Variants in TOP1 observed in about 807,000 individuals in gnomAD.
TOP1 encodes the protein DNA topoisomerase 1.
TOP1 carries 10 observed loss-of-function variants against 111.1 expected under a neutral mutation model. The observed-to-expected ratio is 0.09, with a 90% CI of 0.06 to 0.15. The LOEUF is 0.15. Among genes scored for constraint, TOP1 ranks in the 10% least tolerant of loss-of-function variants. TOP1 has a pLI of 1.00. For missense variants in TOP1, 474 were observed against 926.7 expected (o/e 0.51, Z 6.34); for synonymous variants, 271 against 302.9 (o/e 0.89, Z 1.10).
In TOP1 at chr20:41,089,447, A is replaced by T. The variant is rs561631784; in HGVS notation, c.615-3025A>T. 2.0e-5 allele frequency among the ~76,000 whole-genome samples: 3 copies of T among 152,288 alleles called. No individual in the cohort carries two copies. The South Asian group carries it at 6.2e-4, about 32-fold the overall frequency. On this transcript the variant is annotated intron_variant, in intron 8 of 20. Transcript: ENST00000361337. ...CTTTGTGACTGACTCATTTCACTTA[A>T]CAGAATGTCAACGCTCGTCCATATT...
intron 2 of TOP1, among the ~76,000 whole-genome samples, chr20:41,055,869 T>C (rs1395729507): frequency 6.6e-6 from 1 of 152,164 alleles, no homozygotes; most frequent in East Asian, 1.9e-4. Context: ...ACACAAACCC[T>C]CTCTTGGAAC....
At chr20:41,119,232 G>A (rs1462211632) in intron 18 of TOP1, among the ~76,000 whole-genome samples, 2 of 152,216 alleles carry the variant, frequency 1.3e-5, no homozygotes, top group Non-Finnish European at 2.9e-5. Flanking sequence ...AAATGAAGAT[G>A]TCTAACATCT....
chr20:41,069,269 T>G lies in TOP1; in HGVS notation c.156-6902T>G, dbSNP rs73259872. On this transcript the variant is annotated intron_variant, in intron 3 of 20. Coordinates refer to ENST00000361337, the MANE Select transcript of TOP1 (RefSeq NM_003286.4). This position sits in a 1 kb window ranked among gnomAD's most constrained non-coding sequence, Gnocchi z 4.1. ...TAAAAGATATGTTTGCTGCTTTCCT[T>G]GTGAGTGGTTTGCCAAAGCCCTCCC... Among the ~76,000 whole-genome samples the G allele has an allele frequency of 0.13, 19,658 of 152,254 alleles. 1,479 individuals carry two copies. Among genetic ancestry groups the G allele is most frequent in the Non-Finnish European group, 0.16 (10,778 of 68,024 alleles).
At chr20:41,077,413 C>T (rs571689735) in intron 4 of TOP1, among the ~76,000 whole-genome samples, 169 bp from the exon 5 acceptor site, 12 of 152,174 alleles carry the variant, frequency 7.9e-5, no homozygotes, top group Admixed American at 4.6e-4. Context: ...TTGTTAAAAA[C>T]GAGTTTTGGA....
Position 41,107,148 on chromosome 20 carries a change from C to G in TOP1, c.1309-5634C>G, listed in dbSNP as rs141213247. ...TCTTAATTCATAGTCTGTCTTTTCT[C>G]CAGTCAAGGAAGTGTCTTATAGGGA... On this transcript the variant is annotated intron_variant, in intron 13 of 20. Coordinates refer to ENST00000361337, the MANE Select transcript of TOP1 (RefSeq NM_003286.4). Among the ~76,000 whole-genome samples, 1,068 of 152,230 alleles carry G rather than the reference C, an allele frequency of 7.0e-3. 11 individuals carry two copies. The highest frequency in any genetic ancestry group is 0.024 in the African/African-American group (1,008 of 41,548).
chr20:41,052,996 C>T (rs1294251261), intron 2 of TOP1, among the ~76,000 whole-genome samples: 1 of 151,774 alleles, frequency 6.6e-6, no homozygotes, highest in East Asian at 1.9e-4. Flanking sequence ...TCTAAACAAA[C>T]AACAAAAAAA....
In TOP1 at chr20:41,032,774, A is replaced by T. The variant is rs1347431335; in HGVS notation, c.58+3319A>T. ...TGAATTGTTTCTGATGCTAATAGAT[A>T]GTTGTACTTCTGTCTGTTGGGTATG... On this transcript the variant is annotated intron_variant, in intron 2 of 20. Transcript: ENST00000361337. This position sits in a 1 kb window ranked among gnomAD's most constrained non-coding sequence, Gnocchi z 4.3. 6.6e-6 allele frequency among the ~76,000 whole-genome samples: 1 copy of T among 152,216 alleles called. No individual in the cohort carries two copies. The highest frequency in any genetic ancestry group is 2.1e-4 in the South Asian group (1 of 4,832).
intron 8 of TOP1, among the ~76,000 whole-genome samples, chr20:41,085,378 A>T (rs1321395764): frequency 6.6e-6 from 1 of 152,220 alleles, no homozygotes; most frequent in Non-Finnish European, 1.5e-5. Flanking sequence ...CGCCTTCCCT[A>T]TAGGAGTGAA....
At position 41,028,986 on chromosome 20, in the gene TOP1, G is replaced by A. The variant is rs1030065719; in HGVS notation, c.-82G>A. The A allele has an allele frequency of 2.0e-5, 26 of 1,280,850 alleles. No individual in the cohort carries two copies. Among genetic ancestry groups the A allele is most frequent in the Non-Finnish European group, 2.6e-5 (24 of 921,368 alleles). 79.3% of individuals were successfully genotyped at this position (1,280,850 alleles called of 1,614,324 possible). A position where few individuals can be genotyped will look rare whatever the true frequency, so the allele number is the denominator to read the frequency against. Reference sequence around the variant, plus strand: ...GCCTCCTCGAGCCTCCGGAGTCCCCGTCCGCCCGCACAGGCCGGTTCGCCG... The same window carrying A: ...GCCTCCTCGAGCCTCCGGAGTCCCCATCCGCCCGCACAGGCCGGTTCGCCG... On this transcript the variant is annotated 5_prime_UTR_variant, in exon 1 of 21. Coordinates refer to ENST00000361337, the MANE Select transcript of TOP1 (RefSeq NM_003286.4).
At chr20:41,063,796 T>C (rs889435542) in intron 3 of TOP1, among the ~76,000 whole-genome samples, 1 of 152,220 alleles carries the variant, frequency 6.6e-6, no homozygotes, top group Admixed American at 6.5e-5. Context: ...ACTTGTTTTT[T>C]GCTTGTTGAA....
chr20:41,052,146 A>T (rs923671834), intron 2 of TOP1, among the ~76,000 whole-genome samples: 1 of 152,138 alleles, frequency 6.6e-6, no homozygotes, highest in Non-Finnish European at 1.5e-5. Flanking sequence ...CTTCTCATAG[A>T]TCTAGTAGTT....
Position 41,029,497 on chromosome 20 carries a change from C to A in TOP1, c.58+42C>A. On this transcript the variant is annotated intron_variant, in intron 2 of 20. Coordinates refer to ENST00000361337, the MANE Select transcript of TOP1 (RefSeq NM_003286.4). This position sits in a 1 kb window ranked among gnomAD's most constrained non-coding sequence, Gnocchi z 6.1. ...CGCCGACTCCGGGGCCCCCCAGCCGCCGGCCGCCTCCCCCGCGCCCTGCCG... is the reference window on the plus strand; with the variant it reads ...CGCCGACTCCGGGGCCCCCCAGCCGACGGCCGCCTCCCCCGCGCCCTGCCG... 6.6e-7 allele frequency: 1 copy of A among 1,518,460 alleles called. No homozygotes were observed. The highest frequency in any genetic ancestry group is 8.9e-7 in the Non-Finnish European group (1 of 1,121,420). 94.1% of individuals were successfully genotyped at this position (1,518,460 alleles called of 1,614,324 possible).
Position 41,034,236 on chromosome 20 carries a change from G to T in TOP1, c.58+4781G>T, listed in dbSNP as rs1028270585. Among the ~76,000 whole-genome samples, 1 of 152,226 alleles carries T rather than the reference G, an allele frequency of 6.6e-6. No individual in the cohort carries two copies. The highest frequency in any genetic ancestry group is 2.4e-5 in the African/African-American group (1 of 41,462). The stretch of plus-strand genomic sequence containing the variant: ...GTATTGTGTTTAAAGGAAGCTTTCA[G>T]ATTGTGTTTAAACTTCGAGTAGTAA... On this transcript the variant is annotated intron_variant, in intron 2 of 20. Transcript: ENST00000361337. This position sits in a 1 kb window ranked among gnomAD's most constrained non-coding sequence, Gnocchi z 4.0.
Position 41,115,504 on chromosome 20 carries a change from G to T in TOP1, c.1707+65G>T. ...CCAGAGCCTCACAGTACCTAAAGGG[G>T]AGGGTTGCTGGCAGATGACTTGGGC... On this transcript the variant is annotated intron_variant, in intron 16 of 20. Coordinates refer to ENST00000361337, the MANE Select transcript of TOP1 (RefSeq NM_003286.4). This position sits in a 1 kb window ranked among gnomAD's most constrained non-coding sequence, Gnocchi z 6.3. The T allele has an allele frequency of 7.8e-7, 1 of 1,284,536 alleles. No individual in the cohort carries two copies. The highest frequency in any genetic ancestry group is 1.2e-5 in the South Asian group (1 of 84,242). The allele number at this position is 1,284,536 out of a possible 1,614,324, so 79.6% of individuals were successfully genotyped here. A position where few individuals can be genotyped will look rare whatever the true frequency, so the allele number is the denominator to read the frequency against.
Position 41,121,807 on chromosome 20 carries a change from G to A in TOP1, c.2045+17G>A, listed in dbSNP as rs1352044104. Reference sequence around the variant, plus strand: ...GACGAAGAAGTATGTACCTGGTATTGTGAAAGTTGGGGCTGGTAGAGAAAA... The same window carrying A: ...GACGAAGAAGTATGTACCTGGTATTATGAAAGTTGGGGCTGGTAGAGAAAA... On this transcript the variant is annotated intron_variant, in intron 19 of 20. Coordinates refer to ENST00000361337, the MANE Select transcript of TOP1 (RefSeq NM_003286.4). The surrounding 1 kb of genome is among the most constrained non-coding windows in gnomAD (Gnocchi z 4.2). 6 of 1,611,118 alleles carry A rather than the reference G, an allele frequency of 3.7e-6. No individual in the cohort carries two copies. Among genetic ancestry groups the A allele is most frequent in the Non-Finnish European group, 5.1e-6 (6 of 1,177,226 alleles).
At chr20:41,086,908 A>G (rs1323937321) in intron 8 of TOP1, among the ~76,000 whole-genome samples, 1 of 152,218 alleles carries the variant, frequency 6.6e-6, no homozygotes, top group Non-Finnish European at 1.5e-5. Flanking sequence ...AGAGCCTCTT[A>G]ACTGATAGCT....
At chr20:41,085,502 T>TA (rs927500021) in intron 8 of TOP1, among the ~76,000 whole-genome samples, 1 of 152,256 alleles carries the variant, frequency 6.6e-6, no homozygotes, top group African/African-American at 2.4e-5. Context: ...AACATGTTTT[T>TA]AAAAAATACT....
chr20:41,090,533 C>G (rs943475480), intron 8 of TOP1, among the ~76,000 whole-genome samples: 3 of 151,672 alleles, frequency 2.0e-5, no homozygotes, highest in Non-Finnish European at 2.9e-5. Context: ...GACAGAGTGT[C>G]TCTCTGTTGC....
chr20:41,031,145 G>C (rs753240875), intron 2 of TOP1, among the ~76,000 whole-genome samples: 1 of 152,178 alleles, frequency 6.6e-6, no homozygotes, highest in Non-Finnish European at 1.5e-5. Context: ...AGGGGTTGGA[G>C]TGTTTCTTAA....
Sources: gnomAD v4.1 joint callset for allele counts (sites outside exome capture counted in the v4.1 genomes callset) on GRCh38, gnomAD v4.1.1 for gene constraint, Gnocchi (gnomAD v3.1) non-coding constraint, MANE v1.5 for transcripts, NCBI Gene and HGNC (gene_info 2026-07-23, HGNC 2026-07-21) for gene names.